C19orf47: variants seen among roughly 807,000 people sequenced by gnomAD.
C19orf47 encodes chromosome 19 open reading frame 47.
Under a neutral mutation model 32.3 loss-of-function variants are expected in C19orf47, and 18 were observed. The observed-to-expected ratio is 0.56, with a 90% CI of 0.39 to 0.83. C19orf47 has a LOEUF of 0.83. C19orf47 is among the 40% of genes least tolerant of loss of function. The pLI, the probability that C19orf47 is intolerant of heterozygous loss-of-function variation, is 0.00. For synonymous variants in C19orf47, 202 were observed against 211.1 expected, an observed-to-expected ratio of 0.96 and a Z score of 0.37; for missense variants, 484 against 531.6, an observed-to-expected ratio of 0.91 and a Z score of 0.88.
chr19:40,301,342 T>C, the C19orf47 span, among the ~76,000 whole-genome samples: 3 of 149,646 alleles, frequency 2.0e-5, no homozygotes, highest in Non-Finnish European at 4.4e-5. Flanking sequence ...TATTTATTTA[T>C]TTATTTATTT....
At chr19:40,338,466 A>G (rs1600208822) in intron 2 of C19orf47, among the ~76,000 whole-genome samples, 2 of 151,416 alleles carry the variant, frequency 1.3e-5, no homozygotes, top group Non-Finnish European at 2.9e-5. Flanking sequence ...GCTGACTGCA[A>G]CCTCCACCTC....
chr19:40,344,623 T>C (rs899072884), intron 1 of C19orf47, among the ~76,000 whole-genome samples: 1 of 152,114 alleles, frequency 6.6e-6, no homozygotes, highest in East Asian at 1.9e-4. Context: ...TGCAGATGCA[T>C]CCCAACAGCT....
the C19orf47 span, among the ~76,000 whole-genome samples, chr19:40,296,611 G>T: frequency 6.6e-6 from 1 of 152,016 alleles, no homozygotes; most frequent in Non-Finnish European, 1.5e-5. Context: ...CATAGAAAAG[G>T]TACAATAAAA....
At chr19:40,302,934 A>G in the C19orf47 span, among the ~76,000 whole-genome samples, 9 of 152,312 alleles carry the variant, frequency 5.9e-5, no homozygotes, top group South Asian at 1.7e-3. Context: ...CACCACCTTC[A>G]TGCCTACCAA....
intron 1 of C19orf47, among the ~76,000 whole-genome samples, chr19:40,346,079 C>G (rs949917168): frequency 2.7e-5 from 4 of 150,698 alleles, no homozygotes; most frequent in Admixed American, 1.3e-4. Context: ...TCACTTGAAC[C>G]CAGGAGGCAG....
intron 2 of C19orf47, among the ~76,000 whole-genome samples, chr19:40,340,968 C>T (rs1443647647): frequency 4.2e-5 from 5 of 118,336 alleles, no homozygotes; most frequent in African/African-American, 1.3e-4. Context: ...ACAGTGTGAG[C>T]CTGTCTCAAA....
the C19orf47 span, among the ~76,000 whole-genome samples, chr19:40,294,604 T>G: frequency 6.6e-6 from 1 of 152,202 alleles, no homozygotes; most frequent in South Asian, 2.1e-4. Context: ...AACCAATGTC[T>G]GTTCAGACTA....
At chr19:40,325,900 A>G (rs1004190383) in intron 7 of C19orf47, among the ~76,000 whole-genome samples, 2 of 152,194 alleles carry the variant, frequency 1.3e-5, no homozygotes, top group African/African-American at 4.8e-5. Flanking sequence ...TCAGACTCCC[A>G]AAGTGCTGGA....
intron 1 of C19orf47, among the ~76,000 whole-genome samples, chr19:40,347,473 G>A (rs539562998): frequency 2.6e-5 from 4 of 151,936 alleles, no homozygotes; most frequent in East Asian, 1.9e-4. Flanking sequence ...CGGAGGTTGC[G>A]GTGAGACGAA....
the C19orf47 span, among the ~76,000 whole-genome samples, chr19:40,293,361 G>C: frequency 2.6e-5 from 4 of 152,026 alleles, no homozygotes; most frequent in African/African-American, 9.7e-5. Context: ...GCCCAGGCTA[G>C]TCTCAAACTC....
At position 40,321,977 on chromosome 19, in the gene C19orf47, G is replaced by A. The variant is rs764599422; in HGVS notation, c.1063C>T (p.Pro355Ser). Residue 355 changes from proline (P) to serine (S), a missense_variant, in exon 9 of 9, where the codon CCC becomes TCC. Around this residue, in one of 3 missense-constraint regions of C19orf47, gnomAD observed 51 missense variants for 74.5 expected, o/e 0.68. Coordinates refer to ENST00000683109, the MANE Select transcript of C19orf47 (RefSeq NM_001256441.2). ...KVTIKRTLVG[P>S]RGSSSSEGLG... Reference sequence around the variant, plus strand: ...CCCTCGCTGGAGCTGCTCCCCCGGGGCCCCACCAGAGTCCTCTTAATGGTG... The same window carrying A: ...CCCTCGCTGGAGCTGCTCCCCCGGGACCCCACCAGAGTCCTCTTAATGGTG... 3.7e-6 allele frequency: 6 copies of A among 1,613,938 alleles called. No homozygotes were observed. The highest frequency in any genetic ancestry group is 2.2e-5 in the East Asian group (1 of 44,882).
intron 1 of C19orf47, among the ~76,000 whole-genome samples, 167 bp downstream of exon 1, chr19:40,348,157 A>C (rs2078362450): frequency 6.6e-6 from 1 of 152,180 alleles, no homozygotes; most frequent in African/African-American, 2.4e-5. Flanking sequence ...AGCCGGTGAT[A>C]CAGTCGGATT....
At position 40,336,433 on chromosome 19, in the gene C19orf47, C is replaced by T. The variant is rs774996216; in HGVS notation, c.20-26G>A. 6 of 1,583,940 alleles carry T rather than the reference C, an allele frequency of 3.8e-6. No homozygotes were observed. The South Asian group carries it at 6.7e-5, about 18-fold the overall frequency. On this transcript the variant is annotated intron_variant, in intron 2 of 8. Coordinates refer to ENST00000683109, the MANE Select transcript of C19orf47 (RefSeq NM_001256441.2). ...CTGTGGGGTTGGACAGGGCTCATTA[C>T]TCACACTGTCCTCTTTAGAGAATAG...
intron 1 of C19orf47, among the ~76,000 whole-genome samples, chr19:40,342,717 A>G (rs1293627312): frequency 6.6e-6 from 1 of 152,200 alleles, no homozygotes; most frequent in Non-Finnish European, 1.5e-5. Flanking sequence ...TTAGAGACCT[A>G]AAGGGAGGGA....
chr19:40,347,406 C>T (rs537608670), intron 1 of C19orf47, among the ~76,000 whole-genome samples: 2 of 152,116 alleles, frequency 1.3e-5, no homozygotes, highest in East Asian at 3.9e-4. Flanking sequence ...GTGGCGCATG[C>T]CTGTAATCCC....
the C19orf47 span, among the ~76,000 whole-genome samples, chr19:40,305,793 T>C: frequency 6.6e-5 from 10 of 152,320 alleles, no homozygotes; most frequent in African/African-American, 2.2e-4. Context: ...GAATTTTGCA[T>C]TAGATAAAAG....
the C19orf47 span, among the ~76,000 whole-genome samples, chr19:40,303,120 T>C: frequency 1.3e-5 from 2 of 151,238 alleles, no homozygotes; most frequent in Non-Finnish European, 3.0e-5. Context: ...CCCAGCTACT[T>C]GGGAGTCTGA....
the C19orf47 span, among the ~76,000 whole-genome samples, chr19:40,309,922 A>G: frequency 2.3e-3 from 349 of 152,312 alleles, no homozygotes; most frequent in African/African-American, 7.6e-3. Context: ...GCTGGTGGAA[A>G]TGTAAGATCA....
chr19:40,313,866 G>C, the C19orf47 span, among the ~76,000 whole-genome samples: 1 of 151,842 alleles, frequency 6.6e-6, no homozygotes, highest in Non-Finnish European at 1.5e-5. Flanking sequence ...TACTCGGGAG[G>C]CAGAGGCTGC....
Sources: allele counts gnomAD v4.1 joint callset (sites outside exome capture counted in the v4.1 genomes callset), GRCh38; gene constraint gnomAD v4.1.1; regional missense constraint gnomAD v4.1.1; transcripts MANE v1.5; gene names NCBI Gene and HGNC (gene_info 2026-07-23, HGNC 2026-07-21).